DIP2C: variants seen among roughly 807,000 people sequenced by gnomAD.
DIP2C encodes the protein disco-interacting protein 2 homolog C.
In DIP2C, 33 loss-of-function variants were observed where a neutral mutation model predicts 192.4. The observed-to-expected ratio is 0.17, with a 90% CI of 0.13 to 0.23. DIP2C has a LOEUF of 0.23. DIP2C is among the 10% of genes least tolerant of loss of function. DIP2C has a pLI of 1.00. For synonymous variants in DIP2C, 979 were observed against 864.1 expected (o/e 1.13, Z -2.33); for missense variants, 1,537 against 2,110.1 (o/e 0.73, Z 5.32).
At chr10:647,747 C>T (rs576751725) in intron 1 of DIP2C, among the ~76,000 whole-genome samples, 3 of 151,118 alleles carry the variant, frequency 2.0e-5, no homozygotes, top group African/African-American at 4.9e-5. Flanking sequence ...ACTGAGTCCA[C>T]GTCCACATTG....
At chr10:297,297 A>G (rs569873538) in intron 32 of DIP2C, among the ~76,000 whole-genome samples, 11 of 147,096 alleles carry the variant, frequency 7.5e-5, no homozygotes, top group African/African-American at 2.8e-4. Flanking sequence ...CAGAACTACC[A>G]TACGATCCAA....
intron 7 of DIP2C, among the ~76,000 whole-genome samples, chr10:414,852 T>TTGTGTGTGTGTGTGTGTGTGTG (rs748231177): frequency 3.0e-5 from 3 of 98,860 alleles, no homozygotes; most frequent in Admixed American, 1.3e-4. Flanking sequence ...ACATATATAT[T>TTGTGTGTGTGTGTGTGTGTGTG]TGTGTGTGTG....
intron 1 of DIP2C, among the ~76,000 whole-genome samples, chr10:549,329 T>TG (rs2130937946): frequency 6.6e-6 from 1 of 152,286 alleles, no homozygotes; most frequent in South Asian, 2.1e-4. Context: ...CAGCACCCTT[T>TG]GGAGCAGACA....
intron 2 of DIP2C, among the ~76,000 whole-genome samples, chr10:486,247 C>CT (rs1313588245): frequency 1.3e-5 from 2 of 152,214 alleles, no homozygotes; most frequent in Admixed American, 6.5e-5. Flanking sequence ...GAGAAAACAC[C>CT]TATTAGGCAC....
intron 1 of DIP2C, among the ~76,000 whole-genome samples, chr10:544,170 G>C (rs575856063): frequency 1.3e-5 from 2 of 150,704 alleles, no homozygotes; most frequent in South Asian, 4.1e-4. Flanking sequence ...TTTGGTGCCG[G>C]CATCTTTCCC....
intron 23 of DIP2C, 121 bp from the exon 24 acceptor site, chr10:356,627 C>A: frequency 1.4e-6 from 1 of 731,924 alleles, no homozygotes. Context: ...CTTAAAACCG[C>A]ATGCTTCTCT....
chr10:591,802 T>C (rs570391101), intron 1 of DIP2C, among the ~76,000 whole-genome samples: 1 of 151,618 alleles, frequency 6.6e-6, no homozygotes, highest in East Asian at 1.9e-4. Flanking sequence ...CTCCTTCCTT[T>C]TCAGAACTTC....
At position 301,085 on chromosome 10, in the gene DIP2C, G is replaced by A. The variant is rs1052684265; in HGVS notation, c.3986+8946C>T. 9.9e-5 allele frequency among the ~76,000 whole-genome samples: 15 copies of A among 152,166 alleles called. No homozygotes were observed. In the East Asian group the frequency reaches 2.9e-3, roughly 29 times the overall value. Reference sequence around the variant, plus strand: ...TCAGCAGCATCCACTGGCACTGAGCGTGGAACATTAGGGTGGGGTCGTAGG... The same window carrying A: ...TCAGCAGCATCCACTGGCACTGAGCATGGAACATTAGGGTGGGGTCGTAGG... On this transcript the variant is annotated intron_variant, in intron 32 of 36. Transcript: ENST00000280886.
chr10:592,670 A>G (rs1851469084), intron 1 of DIP2C, among the ~76,000 whole-genome samples: 1 of 152,148 alleles, frequency 6.6e-6, no homozygotes. Context: ...AAGCAAAATA[A>G]TGACAACACT....
At chr10:347,496 A>G (rs1242907774) in intron 26 of DIP2C, among the ~76,000 whole-genome samples, 3 of 91,520 alleles carry the variant, frequency 3.3e-5, no homozygotes, top group Admixed American at 1.1e-4. Flanking sequence ...ACCCGGACAC[A>G]TTGCGCATAG....
At chr10:631,649 A>T (rs1396737293) in intron 1 of DIP2C, among the ~76,000 whole-genome samples, 1 of 152,192 alleles carries the variant, frequency 6.6e-6, no homozygotes, top group South Asian at 2.1e-4. Context: ...ATAGAGACAA[A>T]TCTTTATCAA....
At chr10:467,882 C>G (rs987529499) in intron 3 of DIP2C, among the ~76,000 whole-genome samples, 2 of 152,078 alleles carry the variant, frequency 1.3e-5, no homozygotes, top group African/African-American at 2.4e-5. Flanking sequence ...CAGCAAAGCA[C>G]CATGGCACAT....
At chr10:448,791 C>A (rs1403308675) in intron 3 of DIP2C, among the ~76,000 whole-genome samples, 2 of 141,476 alleles carry the variant, frequency 1.4e-5, no homozygotes, top group African/African-American at 2.8e-5. Flanking sequence ...CAGGATCACA[C>A]ACAGTGGGGC....
chr10:371,058 A>G (rs901853711), intron 17 of DIP2C, among the ~76,000 whole-genome samples: 6 of 152,150 alleles, frequency 3.9e-5, no homozygotes, highest in Non-Finnish European at 8.8e-5. Context: ...CGGGCTTTCC[A>G]TTATCCTCCT....
intron 1 of DIP2C, among the ~76,000 whole-genome samples, chr10:684,496 A>G (rs1259854664): frequency 2.0e-5 from 3 of 152,164 alleles, no homozygotes; most frequent in African/African-American, 7.2e-5. Context: ...TTCAGAGTAA[A>G]CTATTTCTTT....
intron 1 of DIP2C, among the ~76,000 whole-genome samples, chr10:602,041 A>C (rs1392681293): frequency 6.6e-6 from 1 of 151,074 alleles, no homozygotes; most frequent in Non-Finnish European, 1.5e-5. Flanking sequence ...AAGTCAGCCT[A>C]AGCCACATGG....
At chr10:286,402 C>T in intron 33 of DIP2C, 55 bp from the exon 34 acceptor site, 2 of 1,498,418 alleles carry the variant, frequency 1.3e-6, no homozygotes, top group Non-Finnish European at 1.9e-6. Flanking sequence ...GGAGAGACTA[C>T]ACACAAGCCA....
chr10:596,947 T>C (rs571939300), intron 1 of DIP2C, among the ~76,000 whole-genome samples: 1 of 152,338 alleles, frequency 6.6e-6, no homozygotes, highest in South Asian at 2.1e-4. Context: ...CACGTGGCAT[T>C]GGTTTTGTGT....
At chr10:383,140 A>C (rs1486663604) in intron 16 of DIP2C, among the ~76,000 whole-genome samples, 1 of 152,262 alleles carries the variant, frequency 6.6e-6, no homozygotes, top group African/African-American at 2.4e-5. Context: ...TATCAAGAAC[A>C]TATCAGCTAA....
Sources: gnomAD v4.1 joint callset for allele counts (sites outside exome capture counted in the v4.1 genomes callset) on GRCh38, gnomAD v4.1.1 for gene constraint, MANE v1.5 for transcripts, NCBI Gene and HGNC (gene_info 2026-07-23, HGNC 2026-07-21) for gene names.